Variants in PPP2R2C observed in about 807,000 individuals in gnomAD.
PPP2R2C encodes protein phosphatase 2 regulatory subunit Bgamma.
PPP2R2C carries 10 observed loss-of-function variants against 45.3 expected under a neutral mutation model. That is an observed-to-expected ratio of 0.22 (90% CI 0.14 to 0.37). The LOEUF is 0.37. PPP2R2C is among the 10% of genes least tolerant of loss of function. PPP2R2C has a pLI of 1.00. For missense variants in PPP2R2C, 308 were observed against 619.7 expected (o/e 0.50, Z 5.34); for synonymous variants, 257 against 245.4 (o/e 1.05, Z -0.44).
At chr4:6,413,920 A>T (rs768371640) in intron 1 of PPP2R2C, 1 of 1,536,006 alleles carries the variant, frequency 6.5e-7, no homozygotes, top group South Asian at 1.2e-5. Flanking sequence ...TCTCTTTCCC[A>T]TCAGCGTCTT....
chr4:6,373,833 ATGAG>A (rs1369549467), intron 4 of PPP2R2C, among the ~76,000 whole-genome samples: 1 of 151,946 alleles, frequency 6.6e-6, no homozygotes. Flanking sequence ...GAGTTCATGT[ATGAG>A]TGTGTGCATA....
At position 6,359,400 on chromosome 4, in the gene PPP2R2C, C is replaced by T. The variant is rs138844322; in HGVS notation, c.626-11390G>A. 4.8e-3 allele frequency among the ~76,000 whole-genome samples: 725 copies of T among 152,142 alleles called. 9 individuals are homozygous for T. The highest frequency in any genetic ancestry group is 0.017 in the African/African-American group (685 of 41,488). The stretch of plus-strand genomic sequence containing the variant: ...TAGGAGAAATACCTAATGTAAATGA[C>T]GAGTTGATGGGTGCAGCACACCAAC... On this transcript the variant is annotated intron_variant, in intron 5 of 8. Transcript: ENST00000382599.
intron 2 of PPP2R2C, among the ~76,000 whole-genome samples, chr4:6,512,533 GTGA>G (rs1307682886): frequency 2.4e-4 from 15 of 63,264 alleles, no homozygotes; most frequent in African/African-American, 7.5e-4. Flanking sequence ...GGTGGTGATG[GTGA>G]TGGTGGTGAT....
chr4:6,560,410 A>C (rs1484000845), intron 1 of PPP2R2C, among the ~76,000 whole-genome samples: 1 of 152,194 alleles, frequency 6.6e-6, no homozygotes, highest in Non-Finnish European at 1.5e-5. Context: ...GGTGGGGTAG[A>C]GTGACCAAGG....
chr4:6,377,949 C>T (rs765960360), intron 3 of PPP2R2C, among the ~76,000 whole-genome samples: 3 of 152,314 alleles, frequency 2.0e-5, no homozygotes, highest in South Asian at 2.1e-4. Flanking sequence ...CCCGCAAGGC[C>T]GCGGTGACAG....
intron 2 of PPP2R2C, among the ~76,000 whole-genome samples, chr4:6,503,530 C>G (rs943351327): frequency 1.3e-5 from 2 of 152,160 alleles, no homozygotes; most frequent in African/African-American, 4.8e-5. Flanking sequence ...TTGTTCATGA[C>G]AGTATTCCCT....
rs1732190425 is a variant in PPP2R2C at position 6,329,126 on chromosome 4, G to C, written c.1052+136C>G. The C allele has an allele frequency of 4.1e-6, 3 of 737,202 alleles. No individual in the cohort carries two copies. In the Admixed American group the frequency reaches 7.2e-5, roughly 18 times the overall value. 45.7% of individuals were successfully genotyped at this position (737,202 alleles called of 1,614,324 possible). ...AGTTGGACCTGCTCTGGAAAGCGTG[G>C]GCTTCACCCAGACACCTGGACCCAT... On this transcript the variant is annotated intron_variant, in intron 8 of 8. Coordinates refer to ENST00000382599, the MANE Select transcript of PPP2R2C (RefSeq NM_020416.4). This position sits in a 1 kb window ranked among gnomAD's most constrained non-coding sequence, Gnocchi z 5.8.
At chr4:6,459,841 T>C (rs1047720309) in intron 1 of PPP2R2C, among the ~76,000 whole-genome samples, 6 of 152,148 alleles carry the variant, frequency 3.9e-5, no homozygotes, top group African/African-American at 1.4e-4. Context: ...ATTAAATATG[T>C]TGGATCTAGT....
chr4:6,385,688 G>A (rs1316015954), intron 1 of PPP2R2C, among the ~76,000 whole-genome samples: 1 of 152,108 alleles, frequency 6.6e-6, no homozygotes. Flanking sequence ...TCGTGCCTCA[G>A]CCTCCCGAGT....
In PPP2R2C at chr4:6,485,962, T is replaced by C. The variant is rs111901911; in HGVS notation, c.49+49309A>G. ...TTAATTTGCTCTTCTTTTCCTAGTT[T>C]CTTAAGGTGGAACTCAAGGCCATTG... is the stretch of plus-strand genomic sequence containing the variant. On this transcript the variant is annotated intron_variant, in intron 2 of 9. Transcript: ENST00000506140. Among the ~76,000 whole-genome samples the C allele has an allele frequency of 4.2e-3, 646 of 152,090 alleles. 4 individuals are homozygous for C. Among genetic ancestry groups the C allele is most frequent in the African/African-American group, 0.014 (596 of 41,564 alleles).
chr4:6,458,286 A>T (rs1006552426), intron 1 of PPP2R2C, among the ~76,000 whole-genome samples: 1 of 152,156 alleles, frequency 6.6e-6, no homozygotes. Context: ...AATATCATAG[A>T]CCGGGTGGCT....
chr4:6,434,226 G>A (rs111453582), intron 1 of PPP2R2C, among the ~76,000 whole-genome samples: 3,017 of 152,140 alleles, frequency 0.02, 112 homozygotes, highest in African/African-American at 0.069. Context: ...CCACTATCAC[G>A]CTCTGGAATA....
rs181193874 is a variant in PPP2R2C, at chr4:6,328,020, G to A, written c.1052+1242C>T. Among the ~76,000 whole-genome samples the A allele has an allele frequency of 2.6e-5, 4 of 152,238 alleles. No homozygotes were observed. On this transcript the variant is annotated intron_variant, in intron 8 of 8. Coordinates refer to ENST00000382599, the MANE Select transcript of PPP2R2C (RefSeq NM_020416.4). This position sits in a 1 kb window ranked among gnomAD's most constrained non-coding sequence, Gnocchi z 4.4. ...CCAACCCTGATGGTCCCAGCCCTAT[G>A]CCCAGAGCCACAGAGAGTCATAGTG...
chr4:6,473,871 T>C (rs1046089558), upstream of PPP2R2C, among the ~76,000 whole-genome samples: 4 of 152,136 alleles, frequency 2.6e-5, no homozygotes, highest in African/African-American at 9.7e-5. Context: ...AATGGACCTA[T>C]GAGGAGATGA....
intron 1 of PPP2R2C, among the ~76,000 whole-genome samples, chr4:6,457,148 C>T (rs1188131961): frequency 7.0e-6 from 1 of 142,992 alleles, no homozygotes; most frequent in African/African-American, 2.6e-5. Context: ...ACAGAAGTTG[C>T]AGTGAGCTGA....
intron 1 of PPP2R2C, among the ~76,000 whole-genome samples, chr4:6,538,458 A>G (rs1184496710): frequency 6.6e-6 from 1 of 152,222 alleles, no homozygotes; most frequent in Non-Finnish European, 1.5e-5. Context: ...TACAAGGATG[A>G]TTTAACAATC....
intron 1 of PPP2R2C, among the ~76,000 whole-genome samples, chr4:6,561,907 C>A (rs534744311): frequency 1.3e-5 from 2 of 152,362 alleles, no homozygotes; most frequent in South Asian, 4.1e-4. Flanking sequence ...CTCACTCACG[C>A]ACTCACTAAT....
intron 1 of PPP2R2C, among the ~76,000 whole-genome samples, chr4:6,562,149 C>T (rs1190904061): frequency 6.6e-6 from 1 of 152,150 alleles, no homozygotes; most frequent in Non-Finnish European, 1.5e-5. Context: ...AGCAGGCGAC[C>T]AGGGCGTGGT....
intron 5 of PPP2R2C, chr4:6,348,697 T>C (rs1367977549): frequency 2.0e-6 from 2 of 985,214 alleles, no homozygotes; most frequent in Admixed American, 6.1e-5. Flanking sequence ...CTGGGTGGTG[T>C]AGAAAGAAGG....
Sources: gnomAD v4.1 joint callset for allele counts (sites outside exome capture counted in the v4.1 genomes callset) on GRCh38, gnomAD v4.1.1 for gene constraint, Gnocchi (gnomAD v3.1) non-coding constraint, MANE v1.5 for transcripts, NCBI Gene and HGNC (gene_info 2026-07-23, HGNC 2026-07-21) for gene names.